The following TXNDC16 variants were observed in gnomAD, a reference collection of about 807,000 sequenced individuals.
TXNDC16 encodes the protein thioredoxin domain-containing protein 16.
TXNDC16 carries 74 observed loss-of-function variants against 85.6 expected under a neutral mutation model. That is an observed-to-expected ratio of 0.86 (90% confidence interval 0.72 to 1.05). TXNDC16 has a LOEUF of 1.05. TXNDC16 is among the 50% of genes least tolerant of loss of function. The probability of loss-of-function intolerance (pLI) is 0.00; values close to 1 mark genes in which losing one functional copy is unlikely to be tolerated. For missense variants in TXNDC16, 959 were observed against 947.0 expected (o/e 1.01, Z -0.17); for synonymous variants, 335 against 326.5 (o/e 1.03, Z -0.28).
chr14:52,545,069 A>G (rs2037914608), intron 1 of TXNDC16, among the ~76,000 whole-genome samples: 1 of 152,166 alleles, frequency 6.6e-6, no homozygotes, highest in African/African-American at 2.4e-5. Flanking sequence ...TGTAACATTC[A>G]TTACTATATA....
At chr14:52,484,951 G>T (rs2036235368) in intron 12 of TXNDC16, among the ~76,000 whole-genome samples, 1 of 152,082 alleles carries the variant, frequency 6.6e-6, no homozygotes, top group Non-Finnish European at 1.5e-5. Flanking sequence ...GATAATAAAG[G>T]ACTAGATTAT....
At chr14:52,539,965 CG>C (rs966363454) in intron 4 of TXNDC16, among the ~76,000 whole-genome samples, 1 of 151,904 alleles carries the variant, frequency 6.6e-6, no homozygotes, top group African/African-American at 2.4e-5. Flanking sequence ...TTGTACTTTA[CG>C]TTTTTTTTCT....
At chr14:52,512,970 C>T (rs1223782668) in intron 8 of TXNDC16, among the ~76,000 whole-genome samples, 5 of 152,062 alleles carry the variant, frequency 3.3e-5, no homozygotes, top group African/African-American at 1.2e-4. Flanking sequence ...CTCTCACTTG[C>T]TCAAGTAAGC....
intron 6 of TXNDC16, among the ~76,000 whole-genome samples, chr14:52,527,005 G>A (rs2037351236): frequency 6.6e-6 from 1 of 152,234 alleles, no homozygotes; most frequent in African/African-American, 2.4e-5. Context: ...GGGAGGGCAT[G>A]GAAGCTCCAC....
chr14:52,488,589 A>G lies in TXNDC16; in HGVS notation c.985-103T>C, dbSNP rs113145525. On this transcript the variant is annotated intron_variant, in intron 11 of 20. Coordinates refer to ENST00000281741, the MANE Select transcript of TXNDC16 (RefSeq NM_020784.3). ...GGTGGCTCACACCTGTAATCCCAGC[A>G]CTTTGGGAGGTCGAGGCAGGCGGAT... 290 of 918,560 alleles carry G rather than the reference A, an allele frequency of 3.2e-4. 1 individual carries two copies. In the African/African-American group the frequency reaches 4.0e-3, roughly 13 times the overall value. 56.9% of individuals were successfully genotyped at this position (918,560 alleles called of 1,614,324 possible). A position where few individuals can be genotyped will look rare whatever the true frequency, so the allele number is the denominator to read the frequency against.
At chr14:52,529,947 A>G (rs181851223) in intron 6 of TXNDC16, among the ~76,000 whole-genome samples, 5 of 106,914 alleles carry the variant, frequency 4.7e-5, no homozygotes. Flanking sequence ...TATATGAATT[A>G]TATATTACAT....
At chr14:52,448,397 T>TAA (rs200575785) in intron 18 of TXNDC16, among the ~76,000 whole-genome samples, 170 of 147,042 alleles carry the variant, frequency 1.2e-3, no homozygotes, top group African/African-American at 3.3e-3. Context: ...AGTGCTAAAT[T>TAA]AAAAAAAAAA....
chr14:52,526,513 T>C (rs2037339044), intron 6 of TXNDC16, among the ~76,000 whole-genome samples: 1 of 152,172 alleles, frequency 6.6e-6, no homozygotes, highest in Non-Finnish European at 1.5e-5. Flanking sequence ...GAAGATCAAA[T>C]CTAGCAAGAT....
At chr14:52,508,898 C>T (rs957016829) in intron 9 of TXNDC16, among the ~76,000 whole-genome samples, 2 of 152,028 alleles carry the variant, frequency 1.3e-5, no homozygotes, top group Non-Finnish European at 2.9e-5. Flanking sequence ...CACACCGGGG[C>T]CTGTTGTGGG....
At chr14:52,535,134 G>A (rs551849536) in intron 6 of TXNDC16, among the ~76,000 whole-genome samples, 10 of 152,164 alleles carry the variant, frequency 6.6e-5, no homozygotes, top group African/African-American at 2.4e-4. Flanking sequence ...CCCATTTCTG[G>A]GTCAAAGATA....
rs932839964 is a variant in TXNDC16 at position 52,431,133 on chromosome 14, T to G, written c.*1171A>C. 2 of 152,202 alleles carry G rather than the reference T, an allele frequency of 1.3e-5. No individual in the cohort carries two copies. Among genetic ancestry groups the G allele is most frequent in the Admixed American group, 1.3e-4 (2 of 15,282 alleles). 9.4% of individuals were successfully genotyped at this position (152,202 alleles called of 1,614,324 possible). On this transcript the variant is annotated 3_prime_UTR_variant, in exon 21 of 21. Coordinates refer to ENST00000281741, the MANE Select transcript of TXNDC16 (RefSeq NM_020784.3). Reference sequence around the variant, plus strand: ...CAAACAGATCAGTCTAACAGCTAAGTGATTTGGAATGAAAATTAACTCTTT... The same window carrying G: ...CAAACAGATCAGTCTAACAGCTAAGGGATTTGGAATGAAAATTAACTCTTT...
At chr14:52,539,921 G>A (rs1187102590) in intron 4 of TXNDC16, among the ~76,000 whole-genome samples, 1 of 152,136 alleles carries the variant, frequency 6.6e-6, no homozygotes, top group Non-Finnish European at 1.5e-5. Context: ...ACAAGAAGGA[G>A]AATTAAACAT....
chr14:52,474,556 G>A (rs2884225), intron 14 of TXNDC16, among the ~76,000 whole-genome samples: 39,366 of 151,716 alleles, frequency 0.26, 5,222 homozygotes, highest in East Asian at 0.38. Context: ...CAGCCTGGAC[G>A]CTGTCTCTAC....
Position 52,525,699 on chromosome 14 carries a change from AAATAATAATAATAATAATAATAATAAT to A in TXNDC16, c.393-6433_393-6407del, listed in dbSNP as rs199701557. 1.4e-3 allele frequency among the ~76,000 whole-genome samples: 165 copies of A among 121,336 alleles called. 1 individual carries two copies. The highest frequency in any genetic ancestry group is 4.6e-3 in the African/African-American group (160 of 34,920). The allele number at this position is 121,336 out of a possible 152,430, so 79.6% of individuals were successfully genotyped here. A position where few individuals can be genotyped will look rare whatever the true frequency, so the allele number is the denominator to read the frequency against. On this transcript the variant is annotated intron_variant, in intron 6 of 20. Transcript: ENST00000281741. ...GGCGACAGAGTGAGACTCCATCTCA[AAATAATAATAATAATAATAATAATAAT>A]AATAATAATAATAATAATAAATAAA...
At chr14:52,474,051 A>C (rs1286246094) in intron 14 of TXNDC16, among the ~76,000 whole-genome samples, 3 of 152,248 alleles carry the variant, frequency 2.0e-5, no homozygotes, top group Non-Finnish European at 4.4e-5. Context: ...ATTGTTATTC[A>C]TAAAGAACAT....
At position 52,490,915 on chromosome 14, in the gene TXNDC16, A is replaced by G. The variant is rs1449618100; in HGVS notation, c.847T>C (p.Tyr283His). The change falls in exon 10 of 21, where the codon TAT (tyrosine) becomes CAT (histidine). Residue 283 changes from tyrosine (Y) to histidine (H), a missense_variant. Coordinates refer to ENST00000281741, the MANE Select transcript of TXNDC16 (RefSeq NM_020784.3). ...LVFIVSQQAT[Y>H]EADRRTAEWV... Reference sequence around the variant, plus strand: ...TCTGCAGTTCTTCTATCAGCTTCATAAGTAGCCTGTTGGCTAACAATAAAA... The same window carrying G: ...TCTGCAGTTCTTCTATCAGCTTCATGAGTAGCCTGTTGGCTAACAATAAAA... The G allele has an allele frequency of 1.2e-6, 2 of 1,613,768 alleles. No homozygotes were observed. Among genetic ancestry groups the G allele is most frequent in the East Asian group, 4.5e-5 (2 of 44,840 alleles).
intron 1 of TXNDC16, among the ~76,000 whole-genome samples, chr14:52,548,464 T>C (rs1461918306): frequency 1.3e-5 from 2 of 152,156 alleles, no homozygotes; most frequent in Admixed American, 1.3e-4. Flanking sequence ...TTAGCATTCC[T>C]TCTGGGAGGC....
At chr14:52,530,291 T>TATGTA (rs2037486972) in intron 6 of TXNDC16, among the ~76,000 whole-genome samples, 1 of 51,724 alleles carries the variant, frequency 1.9e-5, no homozygotes, top group Non-Finnish European at 3.0e-5. Context: ...ATATAATTAT[T>TATGTA]ATATATAATA....
intron 20 of TXNDC16, among the ~76,000 whole-genome samples, chr14:52,433,210 C>T (rs2034948043): frequency 6.6e-6 from 1 of 152,032 alleles, no homozygotes; most frequent in South Asian, 2.1e-4. Flanking sequence ...CTGTACTATA[C>T]ATAGTGATTA....
Sources: gnomAD v4.1 joint callset for allele counts (sites outside exome capture counted in the v4.1 genomes callset) on GRCh38, gnomAD v4.1.1 for gene constraint, MANE v1.5 for transcripts, NCBI Gene and HGNC (gene_info 2026-07-23, HGNC 2026-07-21) for gene names.